Variants in UBE2G1 observed in about 807,000 individuals in gnomAD.
UBE2G1 encodes ubiquitin conjugating enzyme E2 G1.
UBE2G1 carries 5 observed loss-of-function variants against 22.7 expected under a neutral mutation model. That is an observed-to-expected ratio of 0.22 (90% CI 0.12 to 0.46). The LOEUF (loss-of-function observed/expected upper bound fraction) is 0.46, where lower values mean the gene tolerates loss of function less well. Ranked by LOEUF, UBE2G1 falls within the 20% of genes least tolerant of loss-of-function variation. The pLI is 0.99. For missense variants in UBE2G1, 88 were observed against 203.9 expected (o/e 0.43, Z 3.46); for synonymous variants, 74 against 67.5 (o/e 1.10, Z -0.47).
intron 1 of UBE2G1, among the ~76,000 whole-genome samples, chr17:4,355,968 G>A (rs1969901649): frequency 6.8e-6 from 1 of 146,598 alleles, no homozygotes; most frequent in African/African-American, 2.5e-5. Flanking sequence ...CCAAAGTACT[G>A]GGATTACAGA....
chr17:4,323,520 G>C (rs1008736098), intron 1 of UBE2G1, among the ~76,000 whole-genome samples: 1 of 152,186 alleles, frequency 6.6e-6, no homozygotes, highest in African/African-American at 2.4e-5. Context: ...CCAAAGTTTA[G>C]AGAAAGTCAT....
intron 3 of UBE2G1, among the ~76,000 whole-genome samples, chr17:4,292,239 T>C (rs891691439): frequency 1.3e-5 from 2 of 149,296 alleles, no homozygotes; most frequent in African/African-American, 4.9e-5. Flanking sequence ...GGCAGGTGAA[T>C]TGCTTGAACC....
chr17:4,314,412 A>G (rs76714610), intron 1 of UBE2G1, among the ~76,000 whole-genome samples: 4,684 of 152,312 alleles, frequency 0.031, 97 homozygotes, highest in Non-Finnish European at 0.047. Flanking sequence ...GTTTAAATCC[A>G]TGAGTTTATA....
At chr17:4,296,947 ACAGG>A (rs1969119781) in intron 2 of UBE2G1, 133 bp from the exon 3 acceptor site, 9 of 704,624 alleles carry the variant, frequency 1.3e-5, no homozygotes, top group Non-Finnish European at 2.1e-5. Flanking sequence ...CTGGATTCCC[ACAGG>A]CAGTTACTTT....
chr17:4,276,194 C>T (rs75332252), intron 5 of UBE2G1, among the ~76,000 whole-genome samples: 2,708 of 152,196 alleles, frequency 0.018, 75 homozygotes, highest in African/African-American at 0.062. Context: ...TGAAGCCCCC[C>T]CGCCCTTTTT....
chr17:4,286,746 C>T (rs1199240388), intron 4 of UBE2G1, among the ~76,000 whole-genome samples: 1 of 152,058 alleles, frequency 6.6e-6, no homozygotes, highest in Non-Finnish European at 1.5e-5. Flanking sequence ...ATTTACTCTT[C>T]TTTAAGATAA....
intron 1 of UBE2G1, among the ~76,000 whole-genome samples, chr17:4,312,489 G>A (rs1367872500): frequency 2.6e-5 from 4 of 151,974 alleles, no homozygotes; most frequent in Admixed American, 2.6e-4. Flanking sequence ...GAGGTCAAGA[G>A]ATCGAGACCA....
chr17:4,310,680 C>A (rs368038978), intron 1 of UBE2G1, among the ~76,000 whole-genome samples: 1 of 152,072 alleles, frequency 6.6e-6, no homozygotes, highest in African/African-American at 2.4e-5. Flanking sequence ...TTCTTTTAAA[C>A]AATGGAGTGA....
rs187500524 is a variant in UBE2G1, at chr17:4,358,898, G to A, written c.46+7373C>T. On this transcript the variant is annotated intron_variant, in intron 1 of 5. Coordinates refer to ENST00000396981, the MANE Select transcript of UBE2G1 (RefSeq NM_003342.5). ...CCCAGGTGGCAAGAAGTTGCGGTGA[G>A]CCGAGATCGTGCCACTGCACTTAAG... Among the ~76,000 whole-genome samples the A allele has an allele frequency of 1.1e-3, 164 of 152,062 alleles. 1 individual carries two copies. The highest frequency in any genetic ancestry group is 2.0e-3 in the Admixed American group (30 of 15,248).
At chr17:4,298,321 AAAAG>A (rs1244750651) in intron 2 of UBE2G1, among the ~76,000 whole-genome samples, 4 of 152,190 alleles carry the variant, frequency 2.6e-5, no homozygotes, top group Non-Finnish European at 5.9e-5. Context: ...AAGAAAAAAG[AAAAG>A]AAAGGAAAGA....
intron 3 of UBE2G1, 53 bp from the exon 4 acceptor site, chr17:4,289,461 T>C (rs565945162): frequency 8.9e-6 from 13 of 1,454,158 alleles, no homozygotes; most frequent in Middle Eastern, 1.9e-4. Flanking sequence ...TGGTTATACA[T>C]GAAATATCAA....
chr17:4,310,269 T>C (rs1400837727), intron 1 of UBE2G1, among the ~76,000 whole-genome samples: 1 of 152,220 alleles, frequency 6.6e-6, no homozygotes, highest in Non-Finnish European at 1.5e-5. Flanking sequence ...ATCTACATCT[T>C]CTGGCACTTG....
At chr17:4,360,892 A>G (rs929383960) in intron 1 of UBE2G1, among the ~76,000 whole-genome samples, 6 of 151,984 alleles carry the variant, frequency 3.9e-5, no homozygotes, top group Non-Finnish European at 7.4e-5. Context: ...AGCCTGGGCA[A>G]CAAGAGTGAA....
At chr17:4,302,224 T>C in intron 2 of UBE2G1, 2 of 494,966 alleles carry the variant, frequency 4.0e-6, no homozygotes, top group Middle Eastern at 8.7e-4. Flanking sequence ...ATGAACAGTG[T>C]TGTATATGTC....
At chr17:4,307,655 T>C (rs1368712465) in intron 1 of UBE2G1, among the ~76,000 whole-genome samples, 1 of 152,172 alleles carries the variant, frequency 6.6e-6, no homozygotes, top group Non-Finnish European at 1.5e-5. Context: ...TGCCCATCCA[T>C]CTCTGAGCAC....
At chr17:4,283,055 G>A (rs1968913478) in intron 4 of UBE2G1, 134 bp from the exon 5 acceptor site, 2 of 739,466 alleles carry the variant, frequency 2.7e-6, no homozygotes, top group Admixed American at 3.0e-5. Flanking sequence ...TGAAAAGGTA[G>A]AAAGCAGTTA....
At chr17:4,337,825 G>T (rs989337027) in intron 1 of UBE2G1, among the ~76,000 whole-genome samples, 7 of 151,844 alleles carry the variant, frequency 4.6e-5, no homozygotes, top group Non-Finnish European at 1.0e-4. Flanking sequence ...TAAGAACAAG[G>T]GAATTCAAAG....
At chr17:4,327,701 A>G (rs1969518706) in intron 1 of UBE2G1, among the ~76,000 whole-genome samples, 1 of 152,180 alleles carries the variant, frequency 6.6e-6, no homozygotes, top group Admixed American at 6.5e-5. Flanking sequence ...ATCAAATGGA[A>G]GCCAAGCATA....
chr17:4,316,938 T>TAAAAAAAAAAA (rs33950725), intron 1 of UBE2G1, among the ~76,000 whole-genome samples: 1 of 134,346 alleles, frequency 7.4e-6, no homozygotes, highest in Non-Finnish European at 1.6e-5. Flanking sequence ...GTCTCTTGAA[T>TAAAAAAAAAAA]AAAAAAAAAA....
Sources: allele counts gnomAD v4.1 joint callset (sites outside exome capture counted in the v4.1 genomes callset), GRCh38; gene constraint gnomAD v4.1.1; transcripts MANE v1.5; gene names NCBI Gene and HGNC (gene_info 2026-07-23, HGNC 2026-07-21).